The following PRDM16 variants were observed in gnomAD, a reference collection of about 807,000 sequenced individuals.
PRDM16 encodes histone-lysine N-methyltransferase PRDM16.
PRDM16 carries 23 observed loss-of-function variants against 110.6 expected under a neutral mutation model. The ratio of observed to expected loss-of-function variants is 0.21; its 90% confidence interval spans 0.15 to 0.29. The LOEUF (loss-of-function observed/expected upper bound fraction) is 0.29. Among genes scored for constraint, PRDM16 ranks in the 10% least tolerant of loss-of-function variants. The pLI, the probability that PRDM16 is intolerant of heterozygous loss-of-function variation, is 1.00. For missense variants in PRDM16, 1,615 were observed against 1,794.3 expected (o/e 0.90, Z 1.81); for synonymous variants, 799 against 781.8 (o/e 1.02, Z -0.37).
intron 1 of PRDM16, among the ~76,000 whole-genome samples, chr1:3,120,132 G>A (rs894496249): frequency 6.9e-6 from 1 of 145,132 alleles, no homozygotes; most frequent in Non-Finnish European, 1.5e-5. Flanking sequence ...GTGGGGGATG[G>A]CAGGGTCAGC....
chr1:3,256,709 T>C (rs1290054118), intron 3 of PRDM16, among the ~76,000 whole-genome samples: 1 of 151,734 alleles, frequency 6.6e-6, no homozygotes, highest in East Asian at 1.9e-4. Context: ...ATACAAAAAT[T>C]AGCCGGGCAT....
At chr1:3,100,672 G>A (rs76312659) in intron 1 of PRDM16, among the ~76,000 whole-genome samples, 4,834 of 152,220 alleles carry the variant, frequency 0.032, 240 homozygotes, top group East Asian at 0.22. Context: ...GTTTGCCCAG[G>A]GAGGAGCTTT....
chr1:3,121,803 C>A (rs544579161), intron 1 of PRDM16, among the ~76,000 whole-genome samples: 1 of 152,300 alleles, frequency 6.6e-6, no homozygotes, highest in Admixed American at 6.5e-5. Flanking sequence ...CCTGCCAGCA[C>A]CCCCTCCCCA....
chr1:3,292,562 G>A (rs541380993), intron 3 of PRDM16, among the ~76,000 whole-genome samples: 2 of 152,192 alleles, frequency 1.3e-5, no homozygotes, highest in African/African-American at 2.4e-5. Flanking sequence ...TCTTGACCGC[G>A]CTGTCCGGAT....
intron 1 of PRDM16, among the ~76,000 whole-genome samples, chr1:3,149,558 C>T (rs1223153741): frequency 2.0e-5 from 3 of 152,194 alleles, no homozygotes; most frequent in South Asian, 2.1e-4. Context: ...TGCAGGGAGC[C>T]GTGGGTGCTC....
At position 3,143,190 on chromosome 1, in the gene PRDM16, C is replaced by T. The variant is rs1053226994; in HGVS notation, c.38-42935C>T. 6.6e-6 allele frequency among the ~76,000 whole-genome samples: 1 copy of T among 152,110 alleles called. No homozygotes were observed. Among genetic ancestry groups the T allele is most frequent in the Admixed American group, 6.5e-5 (1 of 15,272 alleles). Reference sequence around the variant, plus strand: ...CCGGGGGGAGTCGCTGGTTTGCAGCCCCTCGGGGGCCGAGTGTTCCGGGCT... The same window carrying T: ...CCGGGGGGAGTCGCTGGTTTGCAGCTCCTCGGGGGCCGAGTGTTCCGGGCT... On this transcript the variant is annotated intron_variant, in intron 1 of 16. Transcript: ENST00000270722. This position sits in a 1 kb window ranked among gnomAD's most constrained non-coding sequence, Gnocchi z 4.5.
At chr1:3,399,434 T>G (rs1413496770) in intron 5 of PRDM16, among the ~76,000 whole-genome samples, 1 of 151,408 alleles carries the variant, frequency 6.6e-6, no homozygotes, top group Non-Finnish European at 1.5e-5. Context: ...GCCCCAGGGG[T>G]GTATTCAGGG....
Position 3,435,323 on chromosome 1 carries a change from A to G in PRDM16, c.*1512A>G, listed in dbSNP as rs1638876010. 4.4e-6 allele frequency: 1 copy of G among 228,406 alleles called. No homozygotes were observed. The highest frequency in any genetic ancestry group is 8.7e-6 in the Non-Finnish European group (1 of 115,170). The allele number at this position is 228,406 out of a possible 1,614,324, so 14.1% of individuals were successfully genotyped here. A position where few individuals can be genotyped will look rare whatever the true frequency, so the allele number is the denominator to read the frequency against. On this transcript the variant is annotated 3_prime_UTR_variant, in exon 17 of 17. Coordinates refer to ENST00000270722, the MANE Select transcript of PRDM16 (RefSeq NM_022114.4). ...TTCTTATTGTGAAGAAATAATGTTAATATAAGTATCTGGTGAAGGACCAAA... is the reference window on the plus strand; with the variant it reads ...TTCTTATTGTGAAGAAATAATGTTAGTATAAGTATCTGGTGAAGGACCAAA...
chr1:3,388,144 T>A (rs569082832), intron 4 of PRDM16, among the ~76,000 whole-genome samples: 12 of 152,336 alleles, frequency 7.9e-5, no homozygotes, highest in African/African-American at 2.6e-4. Flanking sequence ...GAAGGAAACA[T>A]CACATGATAC....
chr1:3,409,069 G>A (rs554221527), intron 8 of PRDM16, among the ~76,000 whole-genome samples: 34 of 151,924 alleles, frequency 2.2e-4, no homozygotes, highest in Middle Eastern at 3.4e-3. Flanking sequence ...GTCGGCGCAC[G>A]TGACAGCGTG....
chr1:3,072,653 A>C (rs1570196035), intron 1 of PRDM16, among the ~76,000 whole-genome samples: 1 of 150,442 alleles, frequency 6.6e-6, no homozygotes, highest in Admixed American at 6.6e-5. Flanking sequence ...CCCTTCTCCC[A>C]CCCTCCCTGG....
At position 3,411,954 on chromosome 1, in the gene PRDM16, C is replaced by T. The variant is rs2100663182; in HGVS notation, c.1757C>T (p.Ser586Phe). ...AAGTTCGAGAGCCGCCTGGAGGACT[C>T]CTGTGTGGAGAAGCTGAAGACCAGG... ...EEKFESRLED[S>F]CVEKLKTRSS... Residue 586 changes from serine to phenylalanine, a missense_variant, in exon 9 of 17, where the codon TCC (serine) becomes TTC (phenylalanine). This residue lies in a region of PRDM16 where 772 missense variants were observed against 748.3 expected (regional missense o/e 1.03). Coordinates refer to ENST00000270722, the MANE Select transcript of PRDM16 (RefSeq NM_022114.4). 6.2e-7 allele frequency: 1 copy of T among 1,613,712 alleles called. No individual in the cohort carries two copies. Among genetic ancestry groups the T allele is most frequent in the Non-Finnish European group, 8.5e-7 (1 of 1,179,982 alleles).
chr1:3,111,654 C>T (rs941659299), intron 1 of PRDM16, among the ~76,000 whole-genome samples: 3 of 152,078 alleles, frequency 2.0e-5, no homozygotes, highest in Non-Finnish European at 2.9e-5. Flanking sequence ...CGCACGCCCC[C>T]TGGGGCGGGG....
In PRDM16 at chr1:3,433,800, A is replaced by G. The variant is rs1379723348; in HGVS notation, c.3820A>G (p.Asn1274Asp). The change falls in exon 17 of 17, where the codon AAC (asparagine) becomes GAC (aspartate). Residue 1274 changes from asparagine to aspartate, a missense_variant. Transcript: ENST00000270722. ...TSESGAFHPI[N>D]HL ...GGAGTCTGGAGCATTTCACCCCATC[A>G]ACCACCTCTGACGGGCTGGGCAGCC... is the stretch of plus-strand genomic sequence containing the variant. 9 of 1,613,336 alleles carry G rather than the reference A, an allele frequency of 5.6e-6. No homozygotes were observed. The African/African-American group carries it at 6.7e-5, about 12-fold the overall frequency.
rs1323198444 is a variant in PRDM16 at position 3,353,051 on chromosome 1, C to T, written c.439-32101C>T. Among the ~76,000 whole-genome samples the T allele has an allele frequency of 6.6e-6, 1 of 152,292 alleles. No homozygotes were observed. Among genetic ancestry groups the T allele is most frequent in the African/African-American group, 2.4e-5 (1 of 41,558 alleles). ...AGCAGTGCCCTGAGGAGGACCAGGC[C>T]TGGGGCTCTGGAGCCAGAAGTCAGG... On this transcript the variant is annotated intron_variant, in intron 3 of 16. Transcript: ENST00000270722. The surrounding 1 kb of genome is among the most constrained non-coding windows in gnomAD (Gnocchi z 5.4).
At chr1:3,355,766 G>A (rs1052663559) in intron 3 of PRDM16, among the ~76,000 whole-genome samples, 6 of 152,280 alleles carry the variant, frequency 3.9e-5, no homozygotes, top group Middle Eastern at 3.4e-3. Flanking sequence ...CAGGGGTTGC[G>A]GTCCACTTGC....
chr1:3,222,506 G>A (rs561697096), intron 2 of PRDM16, among the ~76,000 whole-genome samples: 5 of 152,226 alleles, frequency 3.3e-5, no homozygotes, highest in Admixed American at 6.5e-5. Context: ...GCCTGTGGTC[G>A]GCTTCAGGAG....
In PRDM16 at chr1:3,412,198, C is replaced by T; in HGVS notation, c.2001C>T (p.Val667=). The T allele has an allele frequency of 6.2e-7, 1 of 1,601,052 alleles. No homozygotes were observed. The change falls in exon 9 of 17, where the codon GTC becomes GTT. Residue 667 remains valine (V), a synonymous_variant. Coordinates refer to ENST00000270722, the MANE Select transcript of PRDM16 (RefSeq NM_022114.4). The part of the protein sequence containing the change: ...GAPNSVAEVP[V]FYSQHSFFPP... ...CGAACAGCGTGGCCGAGGTGCCTGT[C>T]TTCTATTCCCAGCACTCATTCTTCC...
At chr1:3,253,094 C>T (rs1169062189) in intron 3 of PRDM16, among the ~76,000 whole-genome samples, 1 of 152,144 alleles carries the variant, frequency 6.6e-6, no homozygotes, top group African/African-American at 2.4e-5. Flanking sequence ...GCTCTGCAGC[C>T]TCCACGATTC....
Sources: gnomAD v4.1 joint callset for allele counts (sites outside exome capture counted in the v4.1 genomes callset) on GRCh38, gnomAD v4.1.1 for gene constraint, gnomAD v4.1.1 regional missense constraint, Gnocchi (gnomAD v3.1) non-coding constraint, MANE v1.5 for transcripts, NCBI Gene and HGNC (gene_info 2026-07-23, HGNC 2026-07-21) for gene names.